Variants in HCRTR2 observed in about 807,000 individuals in gnomAD.
The protein encoded by HCRTR2 is orexin receptor type 2.
In HCRTR2, 22 loss-of-function variants were observed where a neutral mutation model predicts 49.0. That is an observed-to-expected ratio of 0.45 (90% CI 0.32 to 0.64). The LOEUF is 0.64. Among genes scored for constraint, HCRTR2 ranks in the 30% least tolerant of loss-of-function variants. HCRTR2 has a pLI of 0.04. For missense variants in HCRTR2, 491 were observed against 559.4 expected, an observed-to-expected ratio of 0.88 and a Z score of 1.23; for synonymous variants, 236 against 205.3, an observed-to-expected ratio of 1.15 and a Z score of -1.28.
rs1767098340 is a variant in HCRTR2, at chr6:55,277,447, G to C, written c.830G>C (p.Gly277Ala). 1.2e-6 allele frequency: 2 copies of C among 1,614,092 alleles called. No individual in the cohort carries two copies. The highest frequency in any genetic ancestry group is 1.7e-6 in the Non-Finnish European group (2 of 1,180,004). Residue 277 changes from glycine to alanine, a missense_variant, in exon 5 of 7, where the codon GGG becomes GCG. Transcript: ENST00000370862. ...KPLQPVSQPRGPGQPTKSRMS... is the reference protein window; with the variant it reads ...KPLQPVSQPRAPGQPTKSRMS... The stretch of plus-strand genomic sequence containing the variant: ...CTGCAGCCTGTTTCACAGCCTCGAG[G>C]GCCAGGACAGCCAACGAAGTCCCGG...
chr6:55,262,603 T>C (rs1414235331), intron 3 of HCRTR2, among the ~76,000 whole-genome samples: 1 of 136,444 alleles, frequency 7.3e-6, no homozygotes, highest in South Asian at 2.2e-4. Context: ...TATTAATATA[T>C]GAATATATCT....
chr6:55,193,357 T>C (rs1467279756), intron 1 of HCRTR2, among the ~76,000 whole-genome samples: 1 of 151,962 alleles, frequency 6.6e-6, no homozygotes, highest in East Asian at 1.9e-4. Flanking sequence ...AACTTTAACT[T>C]CAGGAGGCAG....
At chr6:55,139,780 G>A (rs1312697705) in intron 1 of HCRTR2, among the ~76,000 whole-genome samples, 1 of 152,180 alleles carries the variant, frequency 6.6e-6, no homozygotes, top group East Asian at 1.9e-4. Flanking sequence ...ATTGGTCAAA[G>A]AGGAGCCAAG....
chr6:55,176,002 G>A (rs1765033290), intron 1 of HCRTR2, among the ~76,000 whole-genome samples: 1 of 152,124 alleles, frequency 6.6e-6, no homozygotes, highest in Admixed American at 6.6e-5. Flanking sequence ...GGTGAGATAG[G>A]CTGGGAGGCT....
At chr6:55,190,077 TG>T (rs1765290339) in intron 1 of HCRTR2, among the ~76,000 whole-genome samples, 1 of 152,114 alleles carries the variant, frequency 6.6e-6, no homozygotes, top group East Asian at 1.9e-4. Context: ...TATGTGAAAA[TG>T]TTTTAGAAAA....
intron 1 of HCRTR2, among the ~76,000 whole-genome samples, chr6:55,125,576 T>C (rs937344948): frequency 3.0e-4 from 45 of 152,316 alleles, no homozygotes; most frequent in African/African-American, 9.4e-4. Context: ...TTGGTGAATA[T>C]GATGATTCTG....
At chr6:55,157,868 C>A (rs1764751303) in intron 1 of HCRTR2, among the ~76,000 whole-genome samples, 1 of 152,212 alleles carries the variant, frequency 6.6e-6, no homozygotes, top group Admixed American at 6.5e-5. Context: ...TTATAACACT[C>A]AAGTCCCATT....
intron 1 of HCRTR2, among the ~76,000 whole-genome samples, chr6:55,176,190 G>A (rs4364482): frequency 0.23 from 35,430 of 152,096 alleles, 4,568 homozygotes; most frequent in East Asian, 0.49. Context: ...GTGAATGACA[G>A]GAGTTCTCCA....
rs1766309620 is a variant in HCRTR2, at chr6:55,240,624, G to GA, written c.224-8014dup. On this transcript the variant is annotated intron_variant, in intron 1 of 6. Transcript: ENST00000370862. ...AGGGAGTAAAACTAGCAATAGAAAG[G>GA]AGGGCCAATGCCGTAACAGTGTGAT... The GA allele has an allele frequency of 2.3e-5, 4 of 176,614 alleles. No homozygotes were observed. In the South Asian group the frequency reaches 4.6e-4, roughly 21 times the overall value. The allele number at this position is 176,614 out of a possible 1,614,324, so 10.9% of individuals were successfully genotyped here.
At chr6:55,116,718 A>AG (rs1764122172) in intron 1 of HCRTR2, among the ~76,000 whole-genome samples, 7 of 150,694 alleles carry the variant, frequency 4.6e-5, no homozygotes, top group Admixed American at 4.0e-4. Context: ...AGAGAGAGAA[A>AG]AAAAAAAAAA....
intron 1 of HCRTR2, among the ~76,000 whole-genome samples, chr6:55,158,946 C>T (rs569437082): frequency 2.0e-5 from 3 of 152,162 alleles, no homozygotes; most frequent in Admixed American, 6.5e-5. Context: ...GCACAGCGCT[C>T]GAGCTCTGCT....
chr6:55,141,419 C>T (rs1276486067), intron 1 of HCRTR2, among the ~76,000 whole-genome samples: 1 of 151,792 alleles, frequency 6.6e-6, no homozygotes, highest in African/African-American at 2.4e-5. Flanking sequence ...ATGAGAAAAC[C>T]AGGAAAGAGA....
chr6:55,145,706 C>A (rs1474195647), intron 1 of HCRTR2, among the ~76,000 whole-genome samples: 1 of 152,070 alleles, frequency 6.6e-6, no homozygotes, highest in Non-Finnish European at 1.5e-5. Flanking sequence ...TGAGACACTG[C>A]GCCCGGCTGT....
At chr6:55,269,046 T>C (rs1766918594) in intron 4 of HCRTR2, among the ~76,000 whole-genome samples, 1 of 134,834 alleles carries the variant, frequency 7.4e-6, no homozygotes, top group South Asian at 2.3e-4. Context: ...ACAGAGATCG[T>C]GCCACTGCAC....
intron 1 of HCRTR2, among the ~76,000 whole-genome samples, chr6:55,160,404 A>G (rs1764789227): frequency 6.6e-6 from 1 of 152,156 alleles, no homozygotes; most frequent in Admixed American, 6.5e-5. Flanking sequence ...AAAGACCATC[A>G]ACACTATGAA....
intron 5 of HCRTR2, among the ~76,000 whole-genome samples, chr6:55,279,520 A>AACAC (rs34736199): frequency 0.048 from 6,818 of 142,714 alleles, 315 homozygotes; most frequent in African/African-American, 0.12. Context: ...TTCTTGCTGT[A>AACAC]ACACACACAC....
intron 1 of HCRTR2, among the ~76,000 whole-genome samples, chr6:55,117,631 T>C (rs1764136330): frequency 6.6e-6 from 1 of 151,614 alleles, no homozygotes; most frequent in Admixed American, 6.6e-5. Context: ...CCTATTGTGC[T>C]CTCTTTAATT....
At chr6:55,197,813 G>A (rs1765444744) in intron 1 of HCRTR2, among the ~76,000 whole-genome samples, 1 of 152,046 alleles carries the variant, frequency 6.6e-6, no homozygotes, top group South Asian at 2.1e-4. Flanking sequence ...GGCAGAGATG[G>A]GGTTTCACCC....
At chr6:55,127,136 A>G (rs1158669417) in intron 1 of HCRTR2, among the ~76,000 whole-genome samples, 1 of 152,138 alleles carries the variant, frequency 6.6e-6, no homozygotes, top group Non-Finnish European at 1.5e-5. Flanking sequence ...AAATTTCTGC[A>G]GCTAGTTCAG....
Sources: gnomAD v4.1 joint callset for allele counts (sites outside exome capture counted in the v4.1 genomes callset) on GRCh38, gnomAD v4.1.1 for gene constraint, MANE v1.5 for transcripts, NCBI Gene and HGNC (gene_info 2026-07-23, HGNC 2026-07-21) for gene names.